The following DVL1 variants were observed in gnomAD, a reference collection of about 807,000 sequenced individuals.
The protein encoded by DVL1 is segment polarity protein dishevelled homolog DVL-1.
A neutral mutation model predicts 65.0 loss-of-function variants in DVL1; 49 were observed. The observed-to-expected ratio is 0.75, with a 90% CI of 0.60 to 0.96. The LOEUF (loss-of-function observed/expected upper bound fraction) is 0.96, where lower values mean the gene tolerates loss of function less well. DVL1 is among the 40% of genes least tolerant of loss of function. The pLI is 0.00. For synonymous variants in DVL1, 608 were observed against 433.9 expected (o/e 1.40, Z -4.99); for missense variants, 1,197 against 1,045.4 (o/e 1.15, Z -2.00).
chr1:1,342,500 G>C lies in DVL1; in HGVS notation c.241-16C>G, dbSNP rs577014862. On this transcript the variant is annotated splice_polypyrimidine_tract_variant and intron_variant, in intron 2 of 14. Transcript: ENST00000378888. ...CCAGGACCAGCTGTGGAGGGAGCAG[G>C]CATGCTCAGGGGAGCCCACCCGCCT... The C allele has an allele frequency of 6.2e-7, 1 of 1,608,518 alleles. No individual in the cohort carries two copies. Among genetic ancestry groups the C allele is most frequent in the African/African-American group, 1.3e-5 (1 of 74,866 alleles).
rs200872536 is a variant in DVL1, at chr1:1,339,750, G to A, written c.972C>T (p.Ile324=). 13 of 1,612,858 alleles carry A rather than the reference G, an allele frequency of 8.1e-6. No individual in the cohort carries two copies. The highest frequency in any genetic ancestry group is 4.0e-5 in the African/African-American group (3 of 74,868). The change falls in exon 9 of 15, where the codon ATC becomes ATT. Residue 324 remains isoleucine, a synonymous_variant. Coordinates refer to ENST00000378888, the MANE Select transcript of DVL1 (RefSeq NM_001330311.2). ...CCAGCCCTCACCCCGTCTGGGAAAC[G>A]ATCTCCCGCAGCACCCGCACGGCAT... ...NDDAVRVLRE[I]VSQTGPISLT...
At position 1,338,523 on chromosome 1, in the gene DVL1, G is replaced by A. The variant is rs1317646762; in HGVS notation, c.1338C>T (p.Ile446=). Residue 446 remains isoleucine, a splice_region_variant and synonymous_variant, in exon 12 of 15, where the codon ATC becomes ATT. Transcript: ENST00000378888. The part of the protein sequence containing the change: ...WLKITIANAV[I]GADVVDWLYT... ...CCGCCCGCGGGGACGGCCACTCACC[G>A]ATGACGGCATTGGCGATGGTGATCT... 7.4e-6 allele frequency: 12 copies of A among 1,612,358 alleles called. No homozygotes were observed. In the African/African-American group the frequency reaches 1.2e-4, roughly 16 times the overall value.
intron 1 of DVL1, among the ~76,000 whole-genome samples, chr1:1,345,751 G>A (rs952823475): frequency 2.0e-5 from 3 of 152,320 alleles, no homozygotes; most frequent in Admixed American, 2.0e-4. Context: ...GGTCCCGAAT[G>A]CACCCCATTC....
chr1:1,348,898 G>A lies in DVL1; in HGVS notation c.168C>T (p.Phe56=), dbSNP rs753664879. The change falls in exon 1 of 15, where the codon TTC becomes TTT. Residue 56 remains phenylalanine (F), a splice_region_variant and synonymous_variant. Coordinates refer to ENST00000378888, the MANE Select transcript of DVL1 (RefSeq NM_001330311.2). ...CGCAGGCCTCGCGGCCGACTGACCCGAAGTCCTGGTCCATGGACTTAAAGA... is the reference window on the plus strand; with the variant it reads ...CGCAGGCCTCGCGGCCGACTGACCCAAAGTCCTGGTCCATGGACTTAAAGA... ...KFFFKSMDQD[F]GVVKEEIFDD... is the part of the protein sequence containing the mutation. 7 of 1,547,658 alleles carry A rather than the reference G, an allele frequency of 4.5e-6. No individual in the cohort carries two copies. Among genetic ancestry groups the A allele is most frequent in the Admixed American group, 3.6e-5 (2 of 55,434 alleles).
rs1414740270 is a variant in DVL1 at position 1,336,359 on chromosome 1, A to G, written c.1871T>C (p.Leu624Pro). The G allele has an allele frequency of 1.3e-6, 2 of 1,595,892 alleles. No homozygotes were observed. Among genetic ancestry groups the G allele is most frequent in the Non-Finnish European group, 1.7e-6 (2 of 1,177,658 alleles). Reference sequence around the variant, plus strand: ...ACTGCGTGGGCTGCTGCCACGGCTGAGCTGGCCGGCCGGACGCTCTCGCCA... The same window carrying G: ...ACTGCGTGGGCTGCTGCCACGGCTGGGCTGGCCGGCCGGACGCTCTCGCCA... ...SSWRERPAGQLSRGSSPRSQA... is the reference protein window; with the variant it reads ...SSWRERPAGQPSRGSSPRSQA... The change falls in exon 15 of 15, where the codon CTC becomes CCC. Residue 624 changes from leucine (L) to proline (P), a missense_variant. Physicochemically the swap from Leu to Pro is moderately conservative, Grantham distance 98 (BLOSUM62 -3). Coordinates refer to ENST00000378888, the MANE Select transcript of DVL1 (RefSeq NM_001330311.2).
At chr1:1,348,782 C>T (rs994582306) in intron 1 of DVL1, 114 bp downstream of exon 1, 1 of 932,958 alleles carries the variant, frequency 1.1e-6, no homozygotes, top group Non-Finnish European at 1.4e-6. Context: ...AGGCGCGTCG[C>T]GGTCGCAGGT....
intron 11 of DVL1, among the ~76,000 whole-genome samples, chr1:1,338,963 A>G (rs1206082064): frequency 2.0e-5 from 3 of 152,126 alleles, no homozygotes; most frequent in East Asian, 1.9e-4. Flanking sequence ...CCCTCCCCGC[A>G]TGCCCCACCC....
In DVL1 at chr1:1,339,587, G is replaced by A; in HGVS notation, c.1049C>T (p.Pro350Leu). The change falls in exon 10 of 15, where the codon CCA (proline) becomes CTA (leucine). Residue 350 changes from proline (P) to leucine (L), a missense_variant. Transcript: ENST00000378888. ...GTGCCCCGAGGGCCACTCACCCCGT[G>A]GGACGGTGAAGTAGCTTCGGGGCGT... ...DPTPRSYFTVPRADPVRPIDP... is the reference protein window; with the variant it reads ...DPTPRSYFTVLRADPVRPIDP... 1.9e-6 allele frequency: 3 copies of A among 1,607,030 alleles called. No individual in the cohort carries two copies. Among genetic ancestry groups the A allele is most frequent in the African/African-American group, 1.3e-5 (1 of 74,924 alleles).
intron 1 of DVL1, among the ~76,000 whole-genome samples, chr1:1,348,550 G>A (rs1643957808): frequency 6.6e-6 from 1 of 152,132 alleles, no homozygotes; most frequent in Non-Finnish European, 1.5e-5. Flanking sequence ...CCTTCCCACT[G>A]ACACGCCCCT....
chr1:1,339,700 C>T, intron 9 of DVL1, 36 bp downstream of exon 9: 1 of 1,612,826 alleles, frequency 6.2e-7, no homozygotes, highest in Non-Finnish European at 8.5e-7. Flanking sequence ...CACCTCCCTG[C>T]CTGGCCCCTC....
In DVL1 at chr1:1,338,598, G is replaced by A; in HGVS notation, c.1263C>T (p.Val421=). ...CCAGTCCCGAGTCTGGCAGCTGCAT[G>A]ACCCGGACGACGGCGCTCATGTCAC... ...VKSDMSAVVR[V]MQLPDSGLEI... The change falls in exon 12 of 15, where the codon GTC becomes GTT. Residue 421 remains valine (V), a synonymous_variant. Coordinates refer to ENST00000378888, the MANE Select transcript of DVL1 (RefSeq NM_001330311.2). The A allele has an allele frequency of 2.5e-6, 4 of 1,612,244 alleles. No individual in the cohort carries two copies. Among genetic ancestry groups the A allele is most frequent in the Non-Finnish European group, 3.4e-6 (4 of 1,179,866 alleles).
chr1:1,349,166 C>A lies in DVL1; in HGVS notation c.-101G>T. On this transcript the variant is annotated 5_prime_UTR_variant, in exon 1 of 15. Coordinates refer to ENST00000378888, the MANE Select transcript of DVL1 (RefSeq NM_001330311.2). The surrounding 1 kb of genome is among the most constrained non-coding windows in gnomAD (Gnocchi z 4.1). ...CGCCTGCGCCCCGCCCGGCCCGCAC[C>A]GCTCTCGGCCCCGACGCTCCGAGGC... The A allele has an allele frequency of 1.4e-6, 1 of 722,444 alleles. No homozygotes were observed. 44.8% of individuals were successfully genotyped at this position (722,444 alleles called of 1,614,324 possible).
Position 1,336,317 on chromosome 1 carries a change from G to T in DVL1, c.1913C>A (p.Ala638Asp), listed in dbSNP as rs1237301461. ...GGGGTGGGGCGGGGGGAGCCCCGGG[G>T]CGGTAGCCGAGGCCTGACTGCGTGG... ...SSPRSQASAT[A>D]PGLPPPHPTT... Residue 638 changes from alanine (A) to aspartate (D), a missense_variant, in exon 15 of 15, where the codon GCC (alanine) becomes GAC (aspartate). Transcript: ENST00000378888. The T allele has an allele frequency of 1.3e-6, 2 of 1,573,172 alleles. No homozygotes were observed. The highest frequency in any genetic ancestry group is 1.7e-6 in the Non-Finnish European group (2 of 1,166,598).
intron 14 of DVL1, 29 bp downstream of exon 14, chr1:1,337,948 G>A (rs771365185): frequency 1.9e-6 from 3 of 1,590,654 alleles, no homozygotes; most frequent in East Asian, 2.2e-5. Flanking sequence ...GCGGAGCCGG[G>A]GAAGGGCAGG....
In DVL1 at chr1:1,336,028, G is replaced by T; in HGVS notation, c.*114C>A. 1.4e-6 allele frequency: 2 copies of T among 1,388,060 alleles called. No individual in the cohort carries two copies. Among genetic ancestry groups the T allele is most frequent in the Non-Finnish European group, 1.9e-6 (2 of 1,033,292 alleles). 86.0% of individuals were successfully genotyped at this position (1,388,060 alleles called of 1,614,324 possible). On this transcript the variant is annotated 3_prime_UTR_variant, in exon 15 of 15. Coordinates refer to ENST00000378888, the MANE Select transcript of DVL1 (RefSeq NM_001330311.2). Reference sequence around the variant, plus strand: ...AGGGCAGATGGTGGTGGTCCAGCCTGCCCCCCACCCTGCCTCCCGTCCTGG... The same window carrying T: ...AGGGCAGATGGTGGTGGTCCAGCCTTCCCCCCACCCTGCCTCCCGTCCTGG...
chr1:1,344,172 C>T (rs547514531), intron 1 of DVL1, among the ~76,000 whole-genome samples: 27 of 152,134 alleles, frequency 1.8e-4, no homozygotes, highest in Non-Finnish European at 8.8e-5. Flanking sequence ...AGGATCTGGA[C>T]GCCGCCTCGT....
At chr1:1,336,939 C>A in intron 14 of DVL1, 3 of 938,378 alleles carry the variant, frequency 3.2e-6, no homozygotes, top group Non-Finnish European at 3.8e-6. Flanking sequence ...CTGTCCTGGG[C>A]TCCCAAGACG....
At chr1:1,338,229 T>TGGGCGCCCC in intron 13 of DVL1, 40 bp downstream of exon 13, 2 of 1,522,360 alleles carry the variant, frequency 1.3e-6, no homozygotes, top group Non-Finnish European at 1.8e-6. Flanking sequence ...CCTCCGGCGT[T>TGGGCGCCCC]CCCCTCCCCC....
rs112457374 is a variant in DVL1 at position 1,335,381 on chromosome 1, C to T, written c.*761G>A. The stretch of plus-strand genomic sequence containing the variant: ...CGCTGGGACTTTGATACAGTATCTA[C>T]AGCACAGACACGTGGGGGCCAGAGA... On this transcript the variant is annotated 3_prime_UTR_variant, in exon 15 of 15. Coordinates refer to ENST00000378888, the MANE Select transcript of DVL1 (RefSeq NM_001330311.2). 1 of 152,514 alleles carries T rather than the reference C, an allele frequency of 6.6e-6. No homozygotes were observed. The highest frequency in any genetic ancestry group is 2.4e-5 in the African/African-American group (1 of 41,584). 9.4% of individuals were successfully genotyped at this position (152,514 alleles called of 1,614,324 possible).
Sources: gnomAD v4.1 joint callset for allele counts (sites outside exome capture counted in the v4.1 genomes callset) on GRCh38, gnomAD v4.1.1 for gene constraint, Gnocchi (gnomAD v3.1) non-coding constraint, MANE v1.5 for transcripts, NCBI Gene and HGNC (gene_info 2026-07-23, HGNC 2026-07-21) for gene names.